The following XKR6 variants were observed in gnomAD, a reference collection of about 807,000 sequenced individuals.
XKR6 encodes XK-related protein 6.
XKR6 carries 22 observed loss-of-function variants against 56.7 expected under a neutral mutation model. That is an observed-to-expected ratio of 0.39 (90% CI 0.28 to 0.55). The LOEUF (loss-of-function observed/expected upper bound fraction) is 0.55. XKR6 is among the 20% of genes least tolerant of loss of function. The pLI is 0.66. For synonymous variants in XKR6, 524 were observed against 387.8 expected, an observed-to-expected ratio of 1.35 and a Z score of -4.13; for missense variants, 852 against 889.0, an observed-to-expected ratio of 0.96 and a Z score of 0.53.
At chr8:11,124,408 G>A (rs1425859266) in intron 1 of XKR6, 5 of 162,610 alleles carry the variant, frequency 3.1e-5, no homozygotes, top group African/African-American at 1.2e-4. Context: ...GATGTAACTG[G>A]CAGAAACAAG....
chr8:10,990,087 G>A (rs958713260), intron 1 of XKR6, among the ~76,000 whole-genome samples: 6 of 152,234 alleles, frequency 3.9e-5, no homozygotes, highest in African/African-American at 1.4e-4. Context: ...CCTTGTAAAT[G>A]CTGATTGAGA....
intron 1 of XKR6, among the ~76,000 whole-genome samples, chr8:11,073,506 G>A (rs186465441): frequency 6.4e-4 from 97 of 152,282 alleles, no homozygotes; most frequent in African/African-American, 2.3e-3. Flanking sequence ...GGACACTCTG[G>A]TAATAACATT....
intron 1 of XKR6, among the ~76,000 whole-genome samples, chr8:11,193,531 T>C (rs934137045): frequency 6.6e-6 from 1 of 152,214 alleles, no homozygotes; most frequent in Non-Finnish European, 1.5e-5. Context: ...AAATTCCATC[T>C]TTCCTAAAAA....
chr8:11,158,709 T>C (rs1290842935), intron 1 of XKR6, among the ~76,000 whole-genome samples: 1 of 152,180 alleles, frequency 6.6e-6, no homozygotes, highest in Non-Finnish European at 1.5e-5. Flanking sequence ...CCCTCCAGCA[T>C]GTGCACAGAC....
chr8:11,083,334 C>T (rs190732686), intron 1 of XKR6, among the ~76,000 whole-genome samples: 10 of 152,180 alleles, frequency 6.6e-5, no homozygotes, highest in African/African-American at 9.7e-5. Flanking sequence ...CACCGACCCA[C>T]GGTGCAATTT....
intron 1 of XKR6, among the ~76,000 whole-genome samples, chr8:11,101,646 G>A (rs1447617722): frequency 6.6e-6 from 1 of 152,152 alleles, no homozygotes; most frequent in East Asian, 1.9e-4. Flanking sequence ...CTCCTTGGTG[G>A]AAACTCTCAC....
intron 1 of XKR6, among the ~76,000 whole-genome samples, chr8:11,169,837 C>A (rs1168646763): frequency 6.6e-6 from 1 of 151,930 alleles, no homozygotes; most frequent in Admixed American, 6.6e-5. Flanking sequence ...AAATTTTACA[C>A]TATATATATT....
chr8:11,120,899 T>C (rs1408891781), intron 1 of XKR6, among the ~76,000 whole-genome samples: 4 of 152,192 alleles, frequency 2.6e-5, no homozygotes, highest in African/African-American at 7.2e-5. Context: ...TACAACTATC[T>C]GATCTTTGAC....
chr8:11,061,061 C>T (rs1263908182), intron 1 of XKR6, among the ~76,000 whole-genome samples: 1 of 152,180 alleles, frequency 6.6e-6, no homozygotes, highest in Non-Finnish European at 1.5e-5. Context: ...TGGAGATGGC[C>T]CGTCTGCCAG....
At position 10,897,008 on chromosome 8, in the gene XKR6, T is replaced by C. The variant is rs977136130; in HGVS notation, c.*944A>G. ...GAGTTTTATTATTACTGACTATGTG[T>C]ACAGAAATCTCCTTTAATTTGCTTT... On this transcript the variant is annotated 3_prime_UTR_variant, in exon 3 of 3. Transcript: ENST00000416569. 6 of 152,684 alleles carry C rather than the reference T, an allele frequency of 3.9e-5. No homozygotes were observed. The highest frequency in any genetic ancestry group is 1.4e-4 in the African/African-American group (6 of 41,460). The allele number at this position is 152,684 out of a possible 1,614,324, so 9.5% of individuals were successfully genotyped here.
At chr8:11,177,898 G>GA (rs1285933733) in intron 1 of XKR6, among the ~76,000 whole-genome samples, 1 of 152,208 alleles carries the variant, frequency 6.6e-6, no homozygotes, top group Non-Finnish European at 1.5e-5. Flanking sequence ...AGTCCCAGGA[G>GA]AAAACTCACA....
At chr8:11,192,406 C>T (rs1585040211) in intron 1 of XKR6, among the ~76,000 whole-genome samples, 2 of 152,130 alleles carry the variant, frequency 1.3e-5, no homozygotes, top group East Asian at 1.9e-4. Context: ...ACCTCAGCCT[C>T]CAAAGTGCTG....
chr8:11,074,592 C>T (rs183385849), intron 1 of XKR6, among the ~76,000 whole-genome samples: 68 of 152,314 alleles, frequency 4.5e-4, no homozygotes, highest in Non-Finnish European at 4.3e-4. Context: ...TCCTTCATTC[C>T]ATCAACAAAC....
At chr8:11,026,925 C>T (rs1798882567) in intron 1 of XKR6, among the ~76,000 whole-genome samples, 1 of 152,072 alleles carries the variant, frequency 6.6e-6, no homozygotes, top group Non-Finnish European at 1.5e-5. Flanking sequence ...GATAGTCTAG[C>T]CTACTACACA....
At chr8:11,142,859 T>C (rs1800776386) in intron 1 of XKR6, among the ~76,000 whole-genome samples, 1 of 152,200 alleles carries the variant, frequency 6.6e-6, no homozygotes, top group Admixed American at 6.5e-5. Flanking sequence ...AGAATGACAA[T>C]GAATTGTAAC....
chr8:11,174,121 T>C (rs1802530383), intron 1 of XKR6, among the ~76,000 whole-genome samples: 1 of 152,226 alleles, frequency 6.6e-6, no homozygotes, highest in South Asian at 2.1e-4. Flanking sequence ...ATTCTATTAA[T>C]CCATGCAACA....
intron 2 of XKR6, among the ~76,000 whole-genome samples, chr8:10,899,397 G>A: frequency 6.6e-6 from 1 of 152,202 alleles, no homozygotes; most frequent in Non-Finnish European, 1.5e-5. Context: ...GTTCTCCTCT[G>A]AGGTGCTGGA....
chr8:11,027,262 T>C (rs1015828110), intron 1 of XKR6, among the ~76,000 whole-genome samples: 2 of 152,246 alleles, frequency 1.3e-5, no homozygotes, highest in African/African-American at 4.8e-5. Flanking sequence ...ACCATCCTCA[T>C]ATATGCAGTC....
chr8:11,006,417 G>A (rs1433998582), intron 1 of XKR6, among the ~76,000 whole-genome samples: 11 of 152,142 alleles, frequency 7.2e-5, no homozygotes, highest in Admixed American at 7.2e-4. Context: ...CTTATCGTAT[G>A]TTGCATGTCT....
Sources: gnomAD v4.1 joint callset for allele counts (sites outside exome capture counted in the v4.1 genomes callset) on GRCh38, gnomAD v4.1.1 for gene constraint, MANE v1.5 for transcripts, NCBI Gene and HGNC (gene_info 2026-07-23, HGNC 2026-07-21) for gene names.